The following TPD52L2 variants were observed in gnomAD, a reference collection of about 807,000 sequenced individuals.
TPD52L2 encodes the protein TPD52 like 2, also known as tumor protein D54.
In TPD52L2, 19 loss-of-function variants were observed where a neutral mutation model predicts 24.7. That is an observed-to-expected ratio of 0.77 (90% confidence interval 0.54 to 1.13). The LOEUF is 1.13. Ranked by LOEUF, TPD52L2 falls within the 50% of genes most tolerant of loss-of-function variation. The pLI, the probability that TPD52L2 is intolerant of heterozygous loss-of-function variation, is 0.00. For missense variants in TPD52L2, 236 were observed against 250.4 expected (o/e 0.94, Z 0.39); for synonymous variants, 104 against 100.2 (o/e 1.04, Z -0.23).
chr20:63,876,858 C>T (rs936358630), intron 4 of TPD52L2: 1 of 454,790 alleles, frequency 2.2e-6, no homozygotes, highest in African/African-American at 2.0e-5. Flanking sequence ...GCTACAGCAG[C>T]CAGCTGTACA....
intron 1 of TPD52L2, among the ~76,000 whole-genome samples, chr20:63,865,875 G>C (rs2052205293): frequency 6.6e-6 from 1 of 152,222 alleles, no homozygotes; most frequent in Non-Finnish European, 1.5e-5. Context: ...CAGCAACTCT[G>C]CTCGGAGCTC....
intron 2 of TPD52L2, among the ~76,000 whole-genome samples, chr20:63,871,188 G>A (rs143186267): frequency 0.022 from 3,309 of 150,636 alleles, 63 homozygotes; most frequent in Non-Finnish European, 0.03. Context: ...GATTACAGAC[G>A]CCTGCCACCA....
chr20:63,886,542 T>G (rs1382783506), intron 5 of TPD52L2, among the ~76,000 whole-genome samples: 1 of 152,044 alleles, frequency 6.6e-6, no homozygotes, highest in Non-Finnish European at 1.5e-5. Flanking sequence ...TTTGTATTTT[T>G]AGTAGAGACG....
intron 2 of TPD52L2, among the ~76,000 whole-genome samples, chr20:63,870,520 GTTTTTTTTTTTT>G (rs959786861): frequency 2.1e-5 from 2 of 94,524 alleles, no homozygotes; most frequent in Non-Finnish European, 3.9e-5. Flanking sequence ...ATAAGGTGAA[GTTTTTTTTTTTT>G]TTTTTTTTTT....
chr20:63,882,649 C>G, intron 4 of TPD52L2, 70 bp from the exon 5 acceptor site: 1 of 1,276,134 alleles, frequency 7.8e-7, no homozygotes, highest in Non-Finnish European at 1.1e-6. Flanking sequence ...GCTCCCAGTG[C>G]TTTGTTTGCT....
At chr20:63,875,336 G>T (rs951090278) in intron 3 of TPD52L2, among the ~76,000 whole-genome samples, 4 of 152,088 alleles carry the variant, frequency 2.6e-5, no homozygotes, top group East Asian at 1.9e-4. Context: ...CCCTGTCCAC[G>T]TGGCTTCTCT....
At chr20:63,880,848 G>A (rs2052867043) in intron 4 of TPD52L2, among the ~76,000 whole-genome samples, 1 of 150,422 alleles carries the variant, frequency 6.6e-6, no homozygotes, top group Non-Finnish European at 1.5e-5. Context: ...CCGAGATGGT[G>A]CTGCTGCACT....
At chr20:63,867,806 A>G (rs2052311519) in intron 1 of TPD52L2, among the ~76,000 whole-genome samples, 2 of 143,636 alleles carry the variant, frequency 1.4e-5, no homozygotes, top group South Asian at 2.2e-4. Flanking sequence ...TTTTTTTGAG[A>G]CAGTCTCAAA....
At chr20:63,885,881 G>T in intron 5 of TPD52L2, 1 of 855,982 alleles carries the variant, frequency 1.2e-6, no homozygotes, top group South Asian at 1.4e-5. Flanking sequence ...CCGTCCTGGA[G>T]GGTCTTCCCC....
intron 3 of TPD52L2, among the ~76,000 whole-genome samples, chr20:63,874,560 G>T (rs2052595215): frequency 6.6e-6 from 1 of 151,900 alleles, no homozygotes; most frequent in African/African-American, 2.4e-5. Context: ...GTTTTATAGA[G>T]ACAGGGTCTT....
intron 4 of TPD52L2, among the ~76,000 whole-genome samples, chr20:63,882,412 A>C (rs769372732): frequency 1.2e-4 from 18 of 152,208 alleles, no homozygotes; most frequent in Admixed American, 5.9e-4. Context: ...GGTATCAGGC[A>C]AGGGGGTGAA....
chr20:63,873,609 G>C (rs2146195848), intron 2 of TPD52L2, 59 bp from the exon 3 acceptor site: 1 of 1,589,906 alleles, frequency 6.3e-7, no homozygotes, highest in South Asian at 1.1e-5. Flanking sequence ...CTGTGCATGA[G>C]GATGTTAGTC....
At chr20:63,886,523 G>C (rs180736027) in intron 5 of TPD52L2, among the ~76,000 whole-genome samples, 27 of 152,156 alleles carry the variant, frequency 1.8e-4, no homozygotes, top group Admixed American at 2.0e-4. Flanking sequence ...CGCCACGCCC[G>C]GCTAATTTTT....
chr20:63,875,999 T>C (rs1006398031), intron 4 of TPD52L2, 124 bp downstream of exon 4: 5 of 969,946 alleles, frequency 5.2e-6, no homozygotes, highest in Non-Finnish European at 7.9e-6. Flanking sequence ...TATTTTTTCT[T>C]CCTATAACTT....
intron 4 of TPD52L2, among the ~76,000 whole-genome samples, chr20:63,880,991 A>G (rs2052874206): frequency 1.3e-5 from 2 of 151,972 alleles, no homozygotes; most frequent in Non-Finnish European, 1.5e-5. Context: ...AAAAATTTAA[A>G]AACAGCCATG....
At position 63,869,348 on chromosome 20, in the gene TPD52L2, T is replaced by C. The variant is rs760597204; in HGVS notation, c.72T>C (p.Asp24=). ...NKGLLSDSMT[D]VPVDTGVAAR... ...GTCTGCTGTCTGACTCCATGACGGA[T>C]GTTCCTGTCGACACAGGTGTGGCTG... The change falls in exon 2 of 7, where the codon GAT becomes GAC. Residue 24 remains aspartate, a synonymous_variant. Transcript: ENST00000346249. The C allele has an allele frequency of 1.2e-6, 2 of 1,614,194 alleles. No homozygotes were observed. The highest frequency in any genetic ancestry group is 8.5e-7 in the Non-Finnish European group (1 of 1,180,024).
chr20:63,868,488 G>A (rs939917906), intron 1 of TPD52L2, among the ~76,000 whole-genome samples: 1 of 152,260 alleles, frequency 6.6e-6, no homozygotes, highest in Non-Finnish European at 1.5e-5. Context: ...TGAGAATCGG[G>A]AGGTAAGTAA....
intron 5 of TPD52L2, among the ~76,000 whole-genome samples, chr20:63,886,424 G>C (rs1054612398): frequency 9.9e-5 from 15 of 151,590 alleles, no homozygotes; most frequent in East Asian, 1.9e-4. Flanking sequence ...GCCGTGGCGC[G>C]ATCTCGGCTC....
chr20:63,887,114 C>T (rs2053159978), intron 5 of TPD52L2: 1 of 297,564 alleles, frequency 3.4e-6, no homozygotes, highest in Non-Finnish European at 6.5e-6. Context: ...GCAAGCTCCT[C>T]TAGGCCAAGC....
Sources: allele counts gnomAD v4.1 joint callset (sites outside exome capture counted in the v4.1 genomes callset), GRCh38; gene constraint gnomAD v4.1.1; transcripts MANE v1.5; gene names NCBI Gene and HGNC (gene_info 2026-07-23, HGNC 2026-07-21).